Variants in ZNF420 observed in about 807,000 individuals in gnomAD.
ZNF420 encodes the protein ATM and p53-associated KZNF protein.
ZNF420 carries 31 observed loss-of-function variants against 44.7 expected under a neutral mutation model. That is an observed-to-expected ratio of 0.69 (90% CI 0.52 to 0.94). The LOEUF (loss-of-function observed/expected upper bound fraction) is 0.94. Among genes scored for constraint, ZNF420 ranks in the 40% least tolerant of loss-of-function variants. ZNF420 has a pLI of 0.00. For missense variants in ZNF420, 681 were observed against 827.9 expected (o/e 0.82, Z 2.18); for synonymous variants, 245 against 267.4 (o/e 0.92, Z 0.82).
intron 1 of ZNF420, among the ~76,000 whole-genome samples, chr19:37,079,587 C>G (rs968732728): frequency 1.3e-5 from 2 of 152,096 alleles, no homozygotes. Context: ...GCCTTATAGC[C>G]TTAAGGGGAT....
chr19:37,040,578 G>T (rs909123072), intron 1 of ZNF420, among the ~76,000 whole-genome samples: 1 of 152,106 alleles, frequency 6.6e-6, no homozygotes, highest in African/African-American at 2.4e-5. Flanking sequence ...TTAGGAACAA[G>T]GACATAAAAC....
chr19:37,053,914 G>C lies in ZNF420; in HGVS notation c.-124-26431G>C, dbSNP rs148877998. Among the ~76,000 whole-genome samples the C allele has an allele frequency of 2.0e-5, 3 of 152,334 alleles. No homozygotes were observed. In the East Asian group the frequency reaches 5.8e-4, roughly 30 times the overall value. On this transcript the variant is annotated intron_variant, in intron 1 of 4. Transcript: ENST00000587029. ...TCAGACACGGACATTTAAGTCTGCA[G>C]AGGATTCTGCTGCCTTTTGTTTGGC...
intron 4 of ZNF420, among the ~76,000 whole-genome samples, chr19:37,122,599 AACTT>A (rs1411998839): frequency 6.6e-6 from 1 of 152,042 alleles, no homozygotes; most frequent in Non-Finnish European, 1.5e-5. Flanking sequence ...TGTACCCTAA[AACTT>A]AAAGTATAAT....
intron 1 of ZNF420, among the ~76,000 whole-genome samples, chr19:37,012,760 A>ATG (rs780627236): frequency 0.037 from 3,800 of 101,904 alleles, 116 homozygotes; most frequent in Admixed American, 0.063. Flanking sequence ...CCACTGCTAT[A>ATG]TGTCTCTGTG....
chr19:37,123,599 C>CTTGTTTTT (rs1971176969), intron 4 of ZNF420, among the ~76,000 whole-genome samples: 1 of 80,358 alleles, frequency 1.2e-5, no homozygotes, highest in Non-Finnish European at 2.2e-5. Context: ...TTACTCTTGT[C>CTTGTTTTT]TTTTTTTTTT....
At chr19:37,087,296 AAT>A (rs898146449) in intron 2 of ZNF420, among the ~76,000 whole-genome samples, 13,343 of 121,742 alleles carry the variant, frequency 0.11, 866 homozygotes, top group South Asian at 0.14. Context: ...AAAAAAAATA[AAT>A]AAATAAATAA....
At chr19:37,083,168 C>CTTT (rs754635723) in intron 2 of ZNF420, among the ~76,000 whole-genome samples, 1 of 137,290 alleles carries the variant, frequency 7.3e-6, no homozygotes, top group African/African-American at 2.6e-5. Context: ...CCCGTTTTTG[C>CTTT]TTTTTTTTTT....
intron 4 of ZNF420, 174 bp downstream of exon 4, chr19:37,091,295 T>G: frequency 1.8e-6 from 1 of 566,734 alleles, no homozygotes; most frequent in Non-Finnish European, 2.8e-6. Context: ...ATCTTTTCCA[T>G]CCTTCAAAAA....
rs1232763762 is a variant in ZNF420 at position 37,127,667 on chromosome 19, G to A, written c.676G>A (p.Glu226Lys). ...TACTGGTGAAAAACCATATAAATGTGAAGAATGTGGGAAAGCCTTTATTCG... is the reference window on the plus strand; with the variant it reads ...TACTGGTGAAAAACCATATAAATGTAAAGAATGTGGGAAAGCCTTTATTCG... Reference protein sequence around the residue: ...IHTGEKPYKCEECGKAFIRSS... With the variant: ...IHTGEKPYKCKECGKAFIRSS... Residue 226 changes from glutamate (E) to lysine (K), a missense_variant, in exon 5 of 5, where the codon GAA (glutamate) becomes AAA (lysine). This residue lies in a region of ZNF420 where 350 missense variants were observed against 382.5 expected (regional missense o/e 0.92). Coordinates refer to ENST00000337995, the MANE Select transcript of ZNF420 (RefSeq NM_144689.5). 1 of 1,612,514 alleles carries A rather than the reference G, an allele frequency of 6.2e-7. No individual in the cohort carries two copies. The highest frequency in any genetic ancestry group is 8.5e-7 in the Non-Finnish European group (1 of 1,179,564).
intron 1 of ZNF420, among the ~76,000 whole-genome samples, chr19:37,013,546 A>G (rs190826904): frequency 2.0e-5 from 3 of 152,124 alleles, no homozygotes; most frequent in East Asian, 1.9e-4. Context: ...GTCACGGAGA[A>G]GCAGCGCGGG....
chr19:37,112,875 C>A (rs1970454880), intron 4 of ZNF420, among the ~76,000 whole-genome samples: 1 of 152,180 alleles, frequency 6.6e-6, no homozygotes, highest in Non-Finnish European at 1.5e-5. Flanking sequence ...TCCCCTCAGG[C>A]CGTGGGCCAT....
At chr19:37,010,065 C>T (rs2074557024) in intron 1 of ZNF420, among the ~76,000 whole-genome samples, 1 of 152,322 alleles carries the variant, frequency 6.6e-6, no homozygotes, top group African/African-American at 2.4e-5. Flanking sequence ...TCGGCCTAGG[C>T]AATGCGCATG....
chr19:37,011,299 A>G (rs549401242), intron 1 of ZNF420, among the ~76,000 whole-genome samples: 1 of 152,322 alleles, frequency 6.6e-6, no homozygotes, highest in African/African-American at 2.4e-5. Flanking sequence ...TACCTGTCTC[A>G]GACAGGGAAG....
intron 1 of ZNF420, among the ~76,000 whole-genome samples, chr19:37,055,348 T>C (rs866927442): frequency 5.9e-5 from 9 of 152,114 alleles, no homozygotes; most frequent in Admixed American, 1.3e-4. Context: ...ATCACACCAA[T>C]GCACTGCAGC....
intron 1 of ZNF420, among the ~76,000 whole-genome samples, chr19:37,059,365 C>A (rs1967825333): frequency 6.6e-6 from 1 of 152,230 alleles, no homozygotes; most frequent in Admixed American, 6.5e-5. Flanking sequence ...TCAACCCCGC[C>A]AATGCGCATG....
chr19:37,122,590 G>C (rs139428872), intron 4 of ZNF420, among the ~76,000 whole-genome samples: 3,057 of 152,138 alleles, frequency 0.02, 95 homozygotes, highest in African/African-American at 0.066. Flanking sequence ...TTGTGCATAT[G>C]TACCCTAAAA....
intron 4 of ZNF420, 93 bp downstream of exon 4, chr19:37,091,214 G>A: frequency 7.9e-7 from 1 of 1,264,556 alleles, no homozygotes; most frequent in Non-Finnish European, 1.1e-6. Flanking sequence ...GTAATTAACT[G>A]AATTTCTTAT....
chr19:37,104,703 T>C (rs1038902554), intron 4 of ZNF420, among the ~76,000 whole-genome samples: 1 of 152,224 alleles, frequency 6.6e-6, no homozygotes, highest in Non-Finnish European at 1.5e-5. Context: ...TGGTATCTCA[T>C]TGTGGTTTTG....
chr19:37,130,110 CTT>C lies in ZNF420; in HGVS notation c.*1058_*1059del. 6.5e-7 allele frequency: 1 copy of C among 1,550,154 alleles called. No individual in the cohort carries two copies. Among genetic ancestry groups the C allele is most frequent in the Non-Finnish European group, 8.7e-7 (1 of 1,146,860 alleles). ...GATTTACGAAATCCATTTTTCCTGT[CTT>C]TTTTTCCGTGCCTACAATGTGGACA... On this transcript the variant is annotated 3_prime_UTR_variant, in exon 5 of 5. Coordinates refer to ENST00000337995, the MANE Select transcript of ZNF420 (RefSeq NM_144689.5).
Sources: gnomAD v4.1 joint callset for allele counts (sites outside exome capture counted in the v4.1 genomes callset) on GRCh38, gnomAD v4.1.1 for gene constraint, gnomAD v4.1.1 regional missense constraint, MANE v1.5 for transcripts, NCBI Gene and HGNC (gene_info 2026-07-23, HGNC 2026-07-21) for gene names.